PTPN23: variants seen among roughly 807,000 people sequenced by gnomAD.
PTPN23 encodes the protein tyrosine-protein phosphatase non-receptor type 23.
A neutral mutation model predicts 156.3 loss-of-function variants in PTPN23; 72 were observed. That is an observed-to-expected ratio of 0.46 (90% CI 0.38 to 0.56). PTPN23 has a LOEUF of 0.56. Ranked by LOEUF, PTPN23 falls within the 20% of genes least tolerant of loss-of-function variation. PTPN23 has a pLI of 0.00. For missense variants in PTPN23, 1,974 were observed against 2,171.5 expected, an observed-to-expected ratio of 0.91 and a Z score of 1.81; for synonymous variants, 957 against 899.6, an observed-to-expected ratio of 1.06 and a Z score of -1.14.
At chr3:47,391,693 C>T (rs937753970) in intron 1 of PTPN23, among the ~76,000 whole-genome samples, 2 of 152,112 alleles carry the variant, frequency 1.3e-5, no homozygotes, top group Non-Finnish European at 2.9e-5. Context: ...AGCCTTGTTT[C>T]TAGGATGTAG....
chr3:47,389,730 C>T (rs1328543564), intron 1 of PTPN23, among the ~76,000 whole-genome samples: 1 of 151,598 alleles, frequency 6.6e-6, no homozygotes, highest in Non-Finnish European at 1.5e-5. Context: ...GTCCCAGCTG[C>T]TCAGGAGGCT....
At chr3:47,382,829 C>T (rs1704576435) in intron 1 of PTPN23, among the ~76,000 whole-genome samples, 1 of 151,656 alleles carries the variant, frequency 6.6e-6, no homozygotes, top group Non-Finnish European at 1.5e-5. Context: ...GCTGGGACTA[C>T]AGGCACCCGC....
Position 47,411,212 on chromosome 3 carries a change from G to C in PTPN23, c.3414G>C (p.Gln1138His). Residue 1138 changes from glutamine (Q) to histidine (H), a missense_variant, in exon 20 of 25, where the codon CAG becomes CAC. Transcript: ENST00000265562. The surrounding 1 kb of genome is among the most constrained non-coding windows in gnomAD (Gnocchi z 6.3). ...GCACTCAGTCTCCTGGGGGTGGGCAGCCCCTGCTGCAGCCCACCAAGGTGG... is the reference window on the plus strand; with the variant it reads ...GCACTCAGTCTCCTGGGGGTGGGCACCCCCTGCTGCAGCCCACCAAGGTGG... ...HGGTQSPGGGQPLLQPTKVDA... is the reference protein window; with the variant it reads ...HGGTQSPGGGHPLLQPTKVDA... 1 of 1,604,630 alleles carries C rather than the reference G, an allele frequency of 6.2e-7. No homozygotes were observed. The highest frequency in any genetic ancestry group is 1.1e-5 in the South Asian group (1 of 90,626).
chr3:47,412,691 ACT>A lies in PTPN23; in HGVS notation c.4432-12_4432-11del. The A allele has an allele frequency of 1.9e-6, 3 of 1,596,988 alleles. No homozygotes were observed. The highest frequency in any genetic ancestry group is 2.6e-6 in the Non-Finnish European group (3 of 1,169,596). On this transcript the variant is annotated splice_polypyrimidine_tract_variant and intron_variant, in intron 24 of 24. Coordinates refer to ENST00000265562, the MANE Select transcript of PTPN23 (RefSeq NM_015466.4). ...GCCTTGGGACTCCCTCTCCTCACTC[ACT>A]CTGTCTTCTCAGAACCACCTTCCTC... is the stretch of plus-strand genomic sequence containing the variant.
chr3:47,412,722 A>C lies in PTPN23; in HGVS notation c.4448A>C (p.Asp1483Ala). 1 of 1,597,418 alleles carries C rather than the reference A, an allele frequency of 6.3e-7. No homozygotes were observed. Among genetic ancestry groups the C allele is most frequent in the Non-Finnish European group, 8.6e-7 (1 of 1,169,268 alleles). The change falls in exon 25 of 25, where the codon GAC becomes GCC. Residue 1483 changes from aspartate to alanine, a missense_variant. Transcript: ENST00000265562. ...SISQKNHLPQDSQDLVLGGDV... is the reference protein window; with the variant it reads ...SISQKNHLPQASQDLVLGGDV... ...TCTTCTCAGAACCACCTTCCTCAGGACTCCCAGGACCTGGTCCTCGGTGGG... is the reference window on the plus strand; with the variant it reads ...TCTTCTCAGAACCACCTTCCTCAGGCCTCCCAGGACCTGGTCCTCGGTGGG...
rs1323465230 is a variant in PTPN23 at position 47,381,180 on chromosome 3, G to A, written c.84G>A (p.Lys28=). The part of the protein sequence containing the change: ...GDFHFQPAVK[K]FVLKNYGENP... The stretch of plus-strand genomic sequence containing the variant: ...TTCACTTCCAGCCAGCTGTGAAGAA[G>A]GTGAGCTTGCCTTCCATCTTCCCCC... Residue 28 remains lysine (K), a splice_region_variant and synonymous_variant, in exon 1 of 25, where the codon AAG becomes AAA. Transcript: ENST00000265562. 2 of 1,581,080 alleles carry A rather than the reference G, an allele frequency of 1.3e-6. No homozygotes were observed. Among genetic ancestry groups the A allele is most frequent in the African/African-American group, 1.4e-5 (1 of 73,956 alleles).
At position 47,407,377 on chromosome 3, in the gene PTPN23, TG is replaced by T. The variant is rs1276132084; in HGVS notation, c.923+15del. On this transcript the variant is annotated intron_variant, in intron 11 of 24. Coordinates refer to ENST00000265562, the MANE Select transcript of PTPN23 (RefSeq NM_015466.4). This position sits in a 1 kb window ranked among gnomAD's most constrained non-coding sequence, Gnocchi z 4.0. ...ATGTCATTGGGGGAAAGTGAGTCTG[TG>T]GGGGTGGCCCTGGTTCCCTCTTTTT... The T allele has an allele frequency of 6.2e-7, 1 of 1,613,682 alleles. No individual in the cohort carries two copies. Among genetic ancestry groups the T allele is most frequent in the Non-Finnish European group, 8.5e-7 (1 of 1,179,846 alleles).
chr3:47,408,680 C>T, intron 15 of PTPN23, 96 bp from the exon 16 acceptor site: 1 of 1,479,824 alleles, frequency 6.8e-7, no homozygotes. Context: ...TCACTTAAGC[C>T]CTGACCTGAG....
intron 1 of PTPN23, among the ~76,000 whole-genome samples, chr3:47,392,129 G>T (rs773031218): frequency 6.6e-6 from 1 of 151,154 alleles, no homozygotes; most frequent in African/African-American, 2.4e-5. Context: ...CAAACGATCG[G>T]CCCACCTTGG....
Position 47,410,810 on chromosome 3 carries a change from TGG to T in PTPN23, c.3015_3016del (p.Val1006ProfsTer75). The T allele has an allele frequency of 8.0e-7, 1 of 1,253,288 alleles. No individual in the cohort carries two copies. Among genetic ancestry groups the T allele is most frequent in the Non-Finnish European group, 1.0e-6 (1 of 954,398 alleles). The allele number at this position is 1,253,288 out of a possible 1,614,324, so 77.6% of individuals were successfully genotyped here. On this transcript the variant is annotated frameshift_variant, in exon 20 of 25. Coordinates refer to ENST00000265562, the MANE Select transcript of PTPN23 (RefSeq NM_015466.4). LOFTEE classifies it high-confidence loss of function. ...CCCCCTACCCCTATGCCCCTCAGCC[TGG>T]GGTCCTGGGGCAGCCGCCACCCCCC... ...QSPYPYAPQP[G>X]VLGQPPPPLH... is the part of the protein sequence containing the mutation.
At position 47,412,821 on chromosome 3, in the gene PTPN23, C is replaced by G. The variant is rs550023804; in HGVS notation, c.4547C>G (p.Pro1516Arg). The change falls in exon 25 of 25, where the codon CCG becomes CGG. Residue 1516 changes from proline (P) to arginine (R), a missense_variant. Physicochemically the swap from Pro to Arg is moderately radical, Grantham distance 103 (BLOSUM62 -2). Around this residue, in one of 4 missense-constraint regions of PTPN23, gnomAD observed 484 missense variants for 516.0 expected, o/e 0.94. Transcript: ENST00000265562. Reference protein sequence around the residue: ...SIRPPGGLESPVASLPGPAEP... With the variant: ...SIRPPGGLESRVASLPGPAEP... ...CGGCCTCCTGGGGGGTTGGAGTCCC[C>G]GGTTGCCAGCTTGCCAGGCCCTGCA... 6.2e-7 allele frequency: 1 copy of G among 1,613,464 alleles called. No homozygotes were observed. The highest frequency in any genetic ancestry group is 8.5e-7 in the Non-Finnish European group (1 of 1,179,910).
In PTPN23 at chr3:47,410,490, C is replaced by G. The variant is rs140769194; in HGVS notation, c.2692C>G (p.Arg898Gly). The change falls in exon 20 of 25, where the codon CGG (arginine) becomes GGG (glycine). Residue 898 changes from arginine (R) to glycine (G), a missense_variant. Physicochemically the swap from Arg to Gly is moderately radical, Grantham distance 125 (BLOSUM62 -2). Coordinates refer to ENST00000265562, the MANE Select transcript of PTPN23 (RefSeq NM_015466.4). ...QAPIPSHTAP[R>G]PNPTPAPPPP... ...GCCCATCCCCAGCCACACAGCCCCA[C>G]GGCCAAACCCCACCCCTGCTCCTCC... The G allele has an allele frequency of 6.2e-5, 99 of 1,607,234 alleles. No homozygotes were observed. The African/African-American group carries it at 1.2e-3, about 20-fold the overall frequency.
intron 1 of PTPN23, among the ~76,000 whole-genome samples, chr3:47,389,550 C>T (rs551518256): frequency 2.6e-5 from 4 of 152,062 alleles, no homozygotes; most frequent in South Asian, 4.2e-4. Flanking sequence ...GTCAAGGGTT[C>T]GGGACCAGGG....
At chr3:47,383,102 A>T (rs374397760) in intron 1 of PTPN23, among the ~76,000 whole-genome samples, 2 of 151,826 alleles carry the variant, frequency 1.3e-5, no homozygotes, top group African/African-American at 4.8e-5. Flanking sequence ...GACTTATCCC[A>T]CTTCTTTCAG....
intron 2 of PTPN23, among the ~76,000 whole-genome samples, chr3:47,403,277 C>A (rs1017624266): frequency 6.6e-6 from 1 of 152,058 alleles, no homozygotes; most frequent in African/African-American, 2.4e-5. Flanking sequence ...TGGTCTCGAT[C>A]TCCTGACCTC....
chr3:47,404,599 G>A (rs141980061), intron 2 of PTPN23, 53 bp from the exon 3 acceptor site: 25 of 1,598,954 alleles, frequency 1.6e-5, no homozygotes, highest in African/African-American at 9.4e-5. Flanking sequence ...GCTGGCCTGC[G>A]TGTCCACTGC....
chr3:47,409,280 C>G lies in PTPN23; in HGVS notation c.1760C>G (p.Thr587Ser). 1 of 1,614,130 alleles carries G rather than the reference C, an allele frequency of 6.2e-7. No homozygotes were observed. The highest frequency in any genetic ancestry group is 2.2e-5 in the East Asian group (1 of 44,886). Residue 587 changes from threonine to serine, a missense_variant, in exon 17 of 25, where the codon ACT becomes AGT. Thr to Ser is a moderately conservative substitution (Grantham distance 58). Transcript: ENST00000265562. ...LRELIQKDDI[T>S]ASLVTTDHSE... ...GAGCTTATCCAGAAAGATGACATCA[C>G]TGCCTCGCTGGTCACCACAGACCAC... is the stretch of plus-strand genomic sequence containing the variant.
In PTPN23 at chr3:47,399,663, C is replaced by A. The variant is rs143409872; in HGVS notation, c.159+3446C>A. Among the ~76,000 whole-genome samples, 11 of 152,318 alleles carry A rather than the reference C, an allele frequency of 7.2e-5. No homozygotes were observed. In the South Asian group the frequency reaches 2.3e-3, roughly 32 times the overall value. On this transcript the variant is annotated intron_variant, in intron 2 of 24. Coordinates refer to ENST00000265562, the MANE Select transcript of PTPN23 (RefSeq NM_015466.4). ...GCACAGAGCAATGGGCTGGGTAGAG[C>A]AGCCCCTGAGAGAGCTGTGAGCCAG... is the stretch of plus-strand genomic sequence containing the variant.
At chr3:47,403,044 T>C (rs1705030267) in intron 2 of PTPN23, among the ~76,000 whole-genome samples, 1 of 151,894 alleles carries the variant, frequency 6.6e-6, no homozygotes, top group South Asian at 2.1e-4. Flanking sequence ...TATGATCCCA[T>C]TTGTTACATT....
Sources: allele counts gnomAD v4.1 joint callset (sites outside exome capture counted in the v4.1 genomes callset), GRCh38; gene constraint gnomAD v4.1.1; regional missense constraint gnomAD v4.1.1; non-coding constraint Gnocchi (gnomAD v3.1); transcripts MANE v1.5; gene names NCBI Gene and HGNC (gene_info 2026-07-23, HGNC 2026-07-21).